The following ST6GALNAC5 variants were observed in gnomAD, a reference collection of about 807,000 sequenced individuals.
ST6GALNAC5 encodes the protein ST6 N-acetylgalactosaminide alpha-2,6-sialyltransferase 5, also known as alpha-N-acetylgalactosaminide alpha-2,6-sialyltransferase 5.
In ST6GALNAC5, 27 loss-of-function variants were observed where a neutral mutation model predicts 33.6. That is an observed-to-expected ratio of 0.80 (90% CI 0.59 to 1.11). ST6GALNAC5 has a LOEUF of 1.11. Ranked by LOEUF, ST6GALNAC5 falls within the 50% of genes least tolerant of loss-of-function variation. ST6GALNAC5 has a pLI of 0.00. For synonymous variants in ST6GALNAC5, 194 were observed against 171.2 expected (o/e 1.13, Z -1.04); for missense variants, 428 against 454.0 (o/e 0.94, Z 0.52).
At chr1:76,960,234 G>C (rs1419965430) in intron 2 of ST6GALNAC5, among the ~76,000 whole-genome samples, 4 of 152,096 alleles carry the variant, frequency 2.6e-5, no homozygotes, top group Non-Finnish European at 5.9e-5. Context: ...AAATTTTAAA[G>C]CTGGGTATCC....
intron 2 of ST6GALNAC5, among the ~76,000 whole-genome samples, chr1:77,018,628 T>C (rs12067516): frequency 3.3e-5 from 5 of 152,160 alleles, no homozygotes; most frequent in Non-Finnish European, 7.3e-5. Context: ...GGCCTCAGTT[T>C]AAATCCTGCG....
chr1:77,026,406 A>T (rs948820493), intron 2 of ST6GALNAC5, among the ~76,000 whole-genome samples: 14 of 152,118 alleles, frequency 9.2e-5, no homozygotes, highest in African/African-American at 3.4e-4. Flanking sequence ...AGGCACACAC[A>T]TGCATCCTGG....
intron 2 of ST6GALNAC5, among the ~76,000 whole-genome samples, chr1:76,904,376 G>A (rs1227293382): frequency 6.6e-6 from 1 of 152,068 alleles, no homozygotes. Context: ...GTACAGGAAC[G>A]TTCATAGCAA....
At chr1:76,890,790 C>T (rs1273090479) in intron 2 of ST6GALNAC5, among the ~76,000 whole-genome samples, 2 of 151,892 alleles carry the variant, frequency 1.3e-5, no homozygotes, top group Non-Finnish European at 2.9e-5. Context: ...CTAGAGATAG[C>T]ATAACCATTA....
chr1:76,918,763 CAAAT>C (rs1311412194), intron 2 of ST6GALNAC5, among the ~76,000 whole-genome samples: 1 of 152,024 alleles, frequency 6.6e-6, no homozygotes, highest in Admixed American at 6.6e-5. Context: ...GACAGCAACA[CAAAT>C]AACTCTTAAA....
chr1:77,063,285 C>A lies in ST6GALNAC5; in HGVS notation c.*79C>A. The A allele has an allele frequency of 7.5e-7, 1 of 1,337,940 alleles. No individual in the cohort carries two copies. The highest frequency in any genetic ancestry group is 1.1e-6 in the Non-Finnish European group (1 of 949,728). 82.9% of individuals were successfully genotyped at this position (1,337,940 alleles called of 1,614,324 possible). ...ACACTGAACTTCCTGAGCCACCAGACAGGAAAGGGTAGCAGAAAACAGCTT... is the reference window on the plus strand; with the variant it reads ...ACACTGAACTTCCTGAGCCACCAGAAAGGAAAGGGTAGCAGAAAACAGCTT... On this transcript the variant is annotated 3_prime_UTR_variant, in exon 5 of 5. Transcript: ENST00000477717.
chr1:76,982,324 C>A (rs1276662762), intron 2 of ST6GALNAC5, among the ~76,000 whole-genome samples: 1 of 152,152 alleles, frequency 6.6e-6, no homozygotes, highest in African/African-American at 2.4e-5. Context: ...CTTAAATGAC[C>A]TGATGGAGCT....
At chr1:76,971,141 T>C (rs776441683) in intron 2 of ST6GALNAC5, among the ~76,000 whole-genome samples, 2 of 152,190 alleles carry the variant, frequency 1.3e-5, no homozygotes, top group Non-Finnish European at 2.9e-5. Flanking sequence ...TTTGTTTAGA[T>C]TTGTAGATAG....
In ST6GALNAC5 at chr1:77,000,134, A is replaced by G. The variant is rs1481240304; in HGVS notation, c.262-44070A>G. On this transcript the variant is annotated intron_variant, in intron 2 of 4. Coordinates refer to ENST00000477717, the MANE Select transcript of ST6GALNAC5 (RefSeq NM_030965.3). ...AGTGTAAAAGTGTTCCTATTTCTCC[A>G]CATCCTCTCCAGCACCTGTTGTTTC... Among the ~76,000 whole-genome samples the G allele has an allele frequency of 6.9e-5, 6 of 87,192 alleles. 1 individual carries two copies. The highest frequency in any genetic ancestry group is 2.5e-4 in the Admixed American group (2 of 7,906). The allele number at this position is 87,192 out of a possible 152,430, so 57.2% of individuals were successfully genotyped here. A position where few individuals can be genotyped will look rare whatever the true frequency, so the allele number is the denominator to read the frequency against.
chr1:76,918,139 G>C (rs561078005), intron 2 of ST6GALNAC5, among the ~76,000 whole-genome samples: 1 of 152,140 alleles, frequency 6.6e-6, no homozygotes, highest in Non-Finnish European at 1.5e-5. Flanking sequence ...ATTCAGCTGG[G>C]TAGAAATTAC....
intron 2 of ST6GALNAC5, among the ~76,000 whole-genome samples, chr1:76,915,441 C>G (rs568196142): frequency 1.3e-5 from 2 of 152,110 alleles, no homozygotes; most frequent in African/African-American, 2.4e-5. Flanking sequence ...TTCGAACCAA[C>G]CCAAATGTCC....
chr1:77,013,511 A>C (rs1176195157), intron 2 of ST6GALNAC5, among the ~76,000 whole-genome samples: 2 of 152,148 alleles, frequency 1.3e-5, no homozygotes, highest in African/African-American at 4.8e-5. Flanking sequence ...TTAATCACTG[A>C]AAACCATCCT....
chr1:76,966,683 A>C (rs545234117), intron 2 of ST6GALNAC5, among the ~76,000 whole-genome samples: 1 of 152,322 alleles, frequency 6.6e-6, no homozygotes, highest in African/African-American at 2.4e-5. Context: ...GCCAGTTTTC[A>C]AAGGGAATGC....
At chr1:76,996,685 T>A (rs547400636) in intron 2 of ST6GALNAC5, among the ~76,000 whole-genome samples, 1 of 152,232 alleles carries the variant, frequency 6.6e-6, no homozygotes, top group African/African-American at 2.4e-5. Context: ...GAAACAGCTG[T>A]GGAACTCCTT....
chr1:77,029,870 A>G (rs572772011), intron 2 of ST6GALNAC5, among the ~76,000 whole-genome samples: 20 of 152,218 alleles, frequency 1.3e-4, no homozygotes, highest in Non-Finnish European at 2.9e-4. Context: ...TTGATTTTAT[A>G]CTTTCCTACC....
chr1:77,005,692 A>T (rs142525286), intron 2 of ST6GALNAC5, among the ~76,000 whole-genome samples: 285 of 152,330 alleles, frequency 1.9e-3, no homozygotes, highest in African/African-American at 6.4e-3. Flanking sequence ...CACTCATTAA[A>T]CAGTAGCTGT....
At chr1:77,023,616 C>T (rs1651130592) in intron 2 of ST6GALNAC5, among the ~76,000 whole-genome samples, 1 of 152,210 alleles carries the variant, frequency 6.6e-6, no homozygotes, top group African/African-American at 2.4e-5. Context: ...AAATCTCGGA[C>T]AGCTCAGAAA....
intron 2 of ST6GALNAC5, among the ~76,000 whole-genome samples, chr1:76,928,529 T>C (rs1358111432): frequency 2.0e-5 from 3 of 152,178 alleles, no homozygotes; most frequent in Non-Finnish European, 4.4e-5. Flanking sequence ...CAGAGTTGTT[T>C]GGAAACATTA....
intron 2 of ST6GALNAC5, among the ~76,000 whole-genome samples, chr1:76,993,706 A>C (rs1649820103): frequency 6.6e-6 from 1 of 152,192 alleles, no homozygotes; most frequent in Admixed American, 6.5e-5. Context: ...TAAGCAGTTA[A>C]TTCTCTACTA....
Sources: gnomAD v4.1 joint callset for allele counts (sites outside exome capture counted in the v4.1 genomes callset) on GRCh38, gnomAD v4.1.1 for gene constraint, MANE v1.5 for transcripts, NCBI Gene and HGNC (gene_info 2026-07-23, HGNC 2026-07-21) for gene names.